The following BIRC3 variants were observed in gnomAD, a reference collection of about 807,000 sequenced individuals.
BIRC3 encodes the protein baculoviral IAP repeat containing 3, also known as baculoviral IAP repeat-containing protein 3.
Under a neutral mutation model 59.0 loss-of-function variants are expected in BIRC3, and 26 were observed. The ratio of observed to expected loss-of-function variants is 0.44; its 90% CI spans 0.32 to 0.61. BIRC3 has a LOEUF of 0.61. BIRC3 is among the 20% of genes least tolerant of loss of function. BIRC3 has a pLI of 0.04. For missense variants in BIRC3, 641 were observed against 711.5 expected, an observed-to-expected ratio of 0.90 and a Z score of 1.13; for synonymous variants, 243 against 249.2, an observed-to-expected ratio of 0.98 and a Z score of 0.24.
chr11:102,325,690 T>C, intron 3 of BIRC3, 125 bp downstream of exon 3: 1 of 874,270 alleles, frequency 1.1e-6, no homozygotes, highest in Non-Finnish European at 1.7e-6. Context: ...AAGTTTAGGA[T>C]GGATTACTTA....
chr11:102,337,190 A>C lies in BIRC3; in HGVS notation c.*88A>C, dbSNP rs191120561. Reference sequence around the variant, plus strand: ...TTTTATCCTAATTTGGTTTCCTTAAAATTTTTATTTATTTACAACTCAAAA... The same window carrying C: ...TTTTATCCTAATTTGGTTTCCTTAACATTTTTATTTATTTACAACTCAAAA... On this transcript the variant is annotated 3_prime_UTR_variant, in exon 9 of 9. Coordinates refer to ENST00000263464, the MANE Select transcript of BIRC3 (RefSeq NM_001165.5). The C allele has an allele frequency of 5.9e-4, 607 of 1,037,050 alleles. 4 individuals carry two copies. In the African/African-American group the frequency reaches 9.0e-3, roughly 15 times the overall value. 64.2% of individuals were successfully genotyped at this position (1,037,050 alleles called of 1,614,324 possible). A position where few individuals can be genotyped will look rare whatever the true frequency, so the allele number is the denominator to read the frequency against.
At chr11:102,332,089 A>G (rs1951148215) in intron 6 of BIRC3, among the ~76,000 whole-genome samples, 1 of 152,230 alleles carries the variant, frequency 6.6e-6, no homozygotes. Flanking sequence ...AAGTCCTAGT[A>G]TACTGTTTCA....
chr11:102,338,868 G>T lies in BIRC3; in HGVS notation c.*1766G>T. 4.5e-6 allele frequency: 1 copy of T among 222,716 alleles called. No homozygotes were observed. The highest frequency in any genetic ancestry group is 9.0e-6 in the Non-Finnish European group (1 of 111,442). 13.8% of individuals were successfully genotyped at this position (222,716 alleles called of 1,614,324 possible). ...AGTTTCTGTGGCTTGCCTTCAGGGAGAATGAGGCTGAGACAGGAGGGCAGG... is the reference window on the plus strand; with the variant it reads ...AGTTTCTGTGGCTTGCCTTCAGGGATAATGAGGCTGAGACAGGAGGGCAGG... On this transcript the variant is annotated 3_prime_UTR_variant, in exon 9 of 9. Coordinates refer to ENST00000263464, the MANE Select transcript of BIRC3 (RefSeq NM_001165.5).
rs1370541388 is a variant in BIRC3 at position 102,325,304 on chromosome 11, G to T, written c.795G>T (p.Trp265Cys). 6.2e-7 allele frequency: 1 copy of T among 1,613,844 alleles called. No homozygotes were observed. Among genetic ancestry groups the T allele is most frequent in the Admixed American group, 1.7e-5 (1 of 59,978 alleles). The change falls in exon 2 of 9, where the codon TGG (tryptophan) becomes TGT (cysteine). Residue 265 changes from tryptophan to cysteine, a missense_variant. Around this residue, in one of 4 missense-constraint regions of BIRC3, gnomAD observed 329 missense variants for 365.6 expected, o/e 0.90. Coordinates refer to ENST00000263464, the MANE Select transcript of BIRC3 (RefSeq NM_001165.5). ...CCCGCTTTAAAACATTCTTTAACTG[G>T]CCCTCTAGTGTTCTAGTTAATCCTG... ...HAARFKTFFNWPSSVLVNPEQ... is the reference protein window; with the variant it reads ...HAARFKTFFNCPSSVLVNPEQ...
At chr11:102,327,978 A>T (rs1367840519) in intron 3 of BIRC3, 74 bp from the exon 4 acceptor site, 4 of 1,205,088 alleles carry the variant, frequency 3.3e-6, no homozygotes, top group Non-Finnish European at 4.7e-6. Flanking sequence ...CCTAGAGATG[A>T]GAAATTTATG....
At chr11:102,325,411 A>G in intron 2 of BIRC3, 49 bp downstream of exon 2, 1 of 1,590,422 alleles carries the variant, frequency 6.3e-7, no homozygotes, top group Non-Finnish European at 8.5e-7. Context: ...CATTTTATAC[A>G]TTTTAGTGGG....
chr11:102,320,730 T>C (rs1951023266), intron 1 of BIRC3, among the ~76,000 whole-genome samples: 1 of 152,272 alleles, frequency 6.6e-6, no homozygotes, highest in Non-Finnish European at 1.5e-5. Flanking sequence ...ATGTGTTACA[T>C]TGATTTCACT....
chr11:102,327,938 C>T, intron 3 of BIRC3, 114 bp from the exon 4 acceptor site: 1 of 739,130 alleles, frequency 1.4e-6, no homozygotes, highest in African/African-American at 1.8e-5. Context: ...TGATTTGAGG[C>T]AAACAACCAG....
At chr11:102,336,434 A>T (rs888395280) in intron 7 of BIRC3, 29 of 591,160 alleles carry the variant, frequency 4.9e-5, no homozygotes, top group Non-Finnish European at 7.7e-5. Flanking sequence ...ACTACAAAAA[A>T]TTTTTAAAAC....
intron 5 of BIRC3, 123 bp downstream of exon 5, chr11:102,329,068 A>G (rs1951113374): frequency 1.6e-5 from 8 of 491,472 alleles, no homozygotes; most frequent in Non-Finnish European, 2.3e-5. Flanking sequence ...TGCATTTTCA[A>G]ATATACTGTG....
Position 102,335,996 on chromosome 11 carries a change from T to C in BIRC3, c.1355T>C (p.Met452Thr). 1 of 1,611,320 alleles carries C rather than the reference T, an allele frequency of 6.2e-7. No homozygotes were observed. Among genetic ancestry groups the C allele is most frequent in the Non-Finnish European group, 8.5e-7 (1 of 1,178,874 alleles). ...NDLLLIRKNR[M>T]ALFQHLTCVI... is the part of the protein sequence containing the mutation. ...TTATTATTAATCCGGAAGAATAGAA[T>C]GGCACTTTTTCAACATTTGACTTGT... Residue 452 changes from methionine to threonine, a missense_variant, in exon 7 of 9, where the codon ATG becomes ACG. By Grantham distance (81) the Met-to-Thr change is moderately conservative. Coordinates refer to ENST00000263464, the MANE Select transcript of BIRC3 (RefSeq NM_001165.5).
chr11:102,337,309 T>C lies in BIRC3; in HGVS notation c.*207T>C, dbSNP rs17878891. ...AGAGAATGATAGGCTTTTGTTCTTATGAACGAAAAAGAGGTAGCACTACAA... is the reference window on the plus strand; with the variant it reads ...AGAGAATGATAGGCTTTTGTTCTTACGAACGAAAAAGAGGTAGCACTACAA... On this transcript the variant is annotated 3_prime_UTR_variant, in exon 9 of 9. Coordinates refer to ENST00000263464, the MANE Select transcript of BIRC3 (RefSeq NM_001165.5). 5.9e-3 allele frequency: 2,447 copies of C among 414,414 alleles called. 49 individuals carry two copies. The highest frequency in any genetic ancestry group is 0.046 in the African/African-American group (2,229 of 48,856). The allele number at this position is 414,414 out of a possible 1,614,324, so 25.7% of individuals were successfully genotyped here.
At position 102,322,450 on chromosome 11, in the gene BIRC3, C is replaced by A; in HGVS notation, c.-2060C>A. The A allele has an allele frequency of 4.9e-6, 1 of 205,936 alleles. No individual in the cohort carries two copies. The highest frequency in any genetic ancestry group is 9.9e-6 in the Non-Finnish European group (1 of 100,768). 12.8% of individuals were successfully genotyped at this position (205,936 alleles called of 1,614,324 possible). A position where few individuals can be genotyped will look rare whatever the true frequency, so the allele number is the denominator to read the frequency against. ...ACAAGGCCACTGATATTTTAAACGTCCAAAAGTTTGTTTAAATGGGCTGTT... is the reference window on the plus strand; with the variant it reads ...ACAAGGCCACTGATATTTTAAACGTACAAAAGTTTGTTTAAATGGGCTGTT... On this transcript the variant is annotated 5_prime_UTR_variant, in exon 2 of 9. Transcript: ENST00000263464.
chr11:102,325,846 C>A (rs934783400), intron 3 of BIRC3, among the ~76,000 whole-genome samples: 2 of 151,786 alleles, frequency 1.3e-5, no homozygotes, highest in South Asian at 4.1e-4. Context: ...TGTAGAAAAG[C>A]ACAGAGAAGG....
chr11:102,325,632 C>T, intron 3 of BIRC3, 67 bp downstream of exon 3: 1 of 1,426,924 alleles, frequency 7.0e-7, no homozygotes, highest in Non-Finnish European at 9.7e-7. Context: ...ATGTGTTCAC[C>T]TGAAATCAGT....
chr11:102,320,860 A>G (rs931759353), intron 1 of BIRC3, among the ~76,000 whole-genome samples: 1 of 152,242 alleles, frequency 6.6e-6, no homozygotes, highest in Non-Finnish European at 1.5e-5. Flanking sequence ...TCCCAGTGTC[A>G]GGGAATCAAA....
chr11:102,335,963 A>T lies in BIRC3; in HGVS notation c.1325-3A>T, dbSNP rs1782267174. 3 of 1,598,486 alleles carry T rather than the reference A, an allele frequency of 1.9e-6. No homozygotes were observed. The highest frequency in any genetic ancestry group is 2.6e-6 in the Non-Finnish European group (3 of 1,173,928). On this transcript the variant is annotated splice_region_variant and splice_polypyrimidine_tract_variant and intron_variant, in intron 6 of 8. Transcript: ENST00000263464. Reference sequence around the variant, plus strand: ...GTTTATGCTTGTTTTCTTTTTTATAAAGATGATTTATTATTAATCCGGAAG... The same window carrying T: ...GTTTATGCTTGTTTTCTTTTTTATATAGATGATTTATTATTAATCCGGAAG...
intron 5 of BIRC3, among the ~76,000 whole-genome samples, chr11:102,329,746 T>C (rs1434135457): frequency 6.6e-6 from 1 of 151,978 alleles, no homozygotes; most frequent in South Asian, 2.1e-4. Flanking sequence ...ATGAGAACAC[T>C]TGGACATAGG....
chr11:102,337,578 A>C lies in BIRC3; in HGVS notation c.*476A>C, dbSNP rs1951209811. 1 of 378,120 alleles carries C rather than the reference A, an allele frequency of 2.6e-6. No homozygotes were observed. The highest frequency in any genetic ancestry group is 2.1e-5 in the African/African-American group (1 of 48,166). The allele number at this position is 378,120 out of a possible 1,614,324, so 23.4% of individuals were successfully genotyped here. A position where few individuals can be genotyped will look rare whatever the true frequency, so the allele number is the denominator to read the frequency against. ...CCCTGCCTTTAAAAACAAACAGAAC[A>C]AAAACAAAACACCAGGGACACATTT... On this transcript the variant is annotated 3_prime_UTR_variant, in exon 9 of 9. Transcript: ENST00000263464.
Sources: allele counts gnomAD v4.1 joint callset (sites outside exome capture counted in the v4.1 genomes callset), GRCh38; gene constraint gnomAD v4.1.1; regional missense constraint gnomAD v4.1.1; transcripts MANE v1.5; gene names NCBI Gene and HGNC (gene_info 2026-07-23, HGNC 2026-07-21).